KCTD16: variants seen among roughly 807,000 people sequenced by gnomAD.
The protein encoded by KCTD16 is BTB/POZ domain-containing protein KCTD16.
A neutral mutation model predicts 33.2 loss-of-function variants in KCTD16; 13 were observed. That is an observed-to-expected ratio of 0.39 (90% CI 0.25 to 0.62). KCTD16 has a LOEUF of 0.62. Ranked by LOEUF, KCTD16 falls within the 20% of genes least tolerant of loss-of-function variation. KCTD16 has a pLI of 0.50. For missense variants in KCTD16, 441 were observed against 525.1 expected (o/e 0.84, Z 1.57); for synonymous variants, 197 against 195.3 (o/e 1.01, Z -0.07).
rs1561558697 is a variant in KCTD16, at chr5:144,299,130, ATATATATATATATATATATTTTTTT to A, written c.832+91586_832+91610del. On this transcript the variant is annotated intron_variant, in intron 3 of 3. Coordinates refer to ENST00000512467, the MANE Select transcript of KCTD16 (RefSeq NM_020768.4). ...TATATATATATATATATATATATATATATATATATATATATATATTTTTTTTTTTTTTTTTAACCTGTCACTGAGC... is the reference window on the plus strand; with the variant it reads ...TATATATATATATATATATATATATATTTTTTTTTTAACCTGTCACTGAGC... Among the ~76,000 whole-genome samples the A allele has an allele frequency of 8.8e-4, 24 of 27,128 alleles. 1 individual carries two copies. The African/African-American group carries it at 9.5e-3, about 11-fold the overall frequency. 17.8% of individuals were successfully genotyped at this position (27,128 alleles called of 152,430 possible).
At chr5:144,192,869 G>A (rs983160799) in intron 2 of KCTD16, among the ~76,000 whole-genome samples, 1 of 152,150 alleles carries the variant, frequency 6.6e-6, no homozygotes, top group East Asian at 1.9e-4. Context: ...ATACACCAAG[G>A]ACTTTGGAGT....
chr5:144,371,819 G>A (rs1019323920), intron 3 of KCTD16, among the ~76,000 whole-genome samples: 2 of 151,922 alleles, frequency 1.3e-5, no homozygotes, highest in African/African-American at 4.8e-5. Context: ...TTATGGGATA[G>A]CTGCTGGGTA....
chr5:144,460,555 C>T (rs550615802), intron 3 of KCTD16, among the ~76,000 whole-genome samples: 136 of 152,310 alleles, frequency 8.9e-4, no homozygotes, highest in African/African-American at 3.2e-3. Flanking sequence ...GATTCTTGTG[C>T]CTCAGCCTTC....
At chr5:144,199,490 G>A (rs1031483882) in intron 2 of KCTD16, among the ~76,000 whole-genome samples, 1 of 152,140 alleles carries the variant, frequency 6.6e-6, no homozygotes, top group Non-Finnish European at 1.5e-5. Context: ...AGTGCATGTG[G>A]ATTTAGTAAA....
At position 144,223,694 on chromosome 5, in the gene KCTD16, C is replaced by G. The variant is rs186443771; in HGVS notation, c.832+16148C>G. Among the ~76,000 whole-genome samples, 51 of 151,852 alleles carry G rather than the reference C, an allele frequency of 3.4e-4. No individual in the cohort carries two copies. In the East Asian group the frequency reaches 3.7e-3, roughly 11 times the overall value. ...CTGCGTACTTTATAATATCAACTTA[C>G]TTTATAAAATTAGAGCATCCCGAGG... On this transcript the variant is annotated intron_variant, in intron 3 of 3. Coordinates refer to ENST00000512467, the MANE Select transcript of KCTD16 (RefSeq NM_020768.4).
intron 3 of KCTD16, among the ~76,000 whole-genome samples, chr5:144,460,600 C>A (rs975507899): frequency 1.3e-5 from 2 of 152,186 alleles, no homozygotes; most frequent in African/African-American, 4.8e-5. Context: ...GGCCACCACA[C>A]CCAGCTAATT....
intron 3 of KCTD16, among the ~76,000 whole-genome samples, chr5:144,387,618 A>C (rs962063571): frequency 6.6e-6 from 1 of 152,184 alleles, no homozygotes; most frequent in Non-Finnish European, 1.5e-5. Context: ...GGAGTTGTGC[A>C]TAAGCCCCAG....
At chr5:144,293,966 C>T (rs986502991) in intron 3 of KCTD16, among the ~76,000 whole-genome samples, 10 of 152,088 alleles carry the variant, frequency 6.6e-5, no homozygotes, top group Admixed American at 2.0e-4. Context: ...GAGACCATTC[C>T]GGGACAGCAT....
At chr5:144,269,489 A>G (rs1222508492) in intron 3 of KCTD16, among the ~76,000 whole-genome samples, 4 of 152,122 alleles carry the variant, frequency 2.6e-5, no homozygotes, top group South Asian at 4.1e-4. Flanking sequence ...TATATCTGGC[A>G]AAACTGTCCT....
At position 144,482,324 on chromosome 5, in the gene KCTD16, T is replaced by G. The variant is rs989159696; in HGVS notation, c.*8210T>G. The stretch of plus-strand genomic sequence containing the variant: ...AAAATTTTCAAGGGGGCAATAATGT[T>G]GTAGAACAAGTATCTGGTGAGTACT... On this transcript the variant is annotated 3_prime_UTR_variant, in exon 4 of 4. Coordinates refer to ENST00000512467, the MANE Select transcript of KCTD16 (RefSeq NM_020768.4). The G allele has an allele frequency of 6.6e-6, 1 of 151,944 alleles. No individual in the cohort carries two copies. Among genetic ancestry groups the G allele is most frequent in the African/African-American group, 2.4e-5 (1 of 41,408 alleles). 9.4% of individuals were successfully genotyped at this position (151,944 alleles called of 1,614,324 possible).
chr5:144,281,168 C>A (rs1482839091), intron 3 of KCTD16, among the ~76,000 whole-genome samples: 2 of 152,192 alleles, frequency 1.3e-5, no homozygotes, highest in Non-Finnish European at 2.9e-5. Context: ...GGCGACAGAC[C>A]GAGACTCCGT....
intron 3 of KCTD16, among the ~76,000 whole-genome samples, chr5:144,267,918 G>A (rs920759944): frequency 3.6e-4 from 55 of 152,270 alleles, no homozygotes; most frequent in African/African-American, 1.3e-3. Flanking sequence ...AAAACTACAT[G>A]AGTGGAGAGG....
At chr5:144,231,837 C>A (rs879718916) in intron 3 of KCTD16, among the ~76,000 whole-genome samples, 9 of 152,294 alleles carry the variant, frequency 5.9e-5, no homozygotes, top group Non-Finnish European at 1.0e-4. Flanking sequence ...CCATGCTGAA[C>A]TGTGAGTCAA....
At chr5:144,446,140 A>G (rs1172739913) in intron 3 of KCTD16, among the ~76,000 whole-genome samples, 2 of 151,826 alleles carry the variant, frequency 1.3e-5, no homozygotes, top group African/African-American at 4.8e-5. Context: ...TAATTGTGTC[A>G]TATATGTCCA....
chr5:144,269,576 G>A (rs368533215), intron 3 of KCTD16, among the ~76,000 whole-genome samples: 5 of 151,874 alleles, frequency 3.3e-5, no homozygotes, highest in Admixed American at 6.6e-5. Flanking sequence ...TACTAGACCC[G>A]CCCTGCAAGA....
chr5:144,467,646 C>T (rs542540391), intron 3 of KCTD16, among the ~76,000 whole-genome samples: 1 of 152,294 alleles, frequency 6.6e-6, no homozygotes, highest in African/African-American at 2.4e-5. Context: ...GAAGATCACA[C>T]ACAAAACATT....
chr5:144,339,595 G>T (rs1282994809), intron 3 of KCTD16, among the ~76,000 whole-genome samples: 1 of 152,122 alleles, frequency 6.6e-6, no homozygotes, highest in Non-Finnish European at 1.5e-5. Flanking sequence ...TACTAGAAAT[G>T]TACTCAATAA....
intron 2 of KCTD16, among the ~76,000 whole-genome samples, chr5:144,190,063 C>T (rs760510541): frequency 4.6e-5 from 7 of 152,172 alleles, no homozygotes; most frequent in Non-Finnish European, 8.8e-5. Flanking sequence ...ATGAATATGT[C>T]TGCATTTTGA....
intron 3 of KCTD16, among the ~76,000 whole-genome samples, chr5:144,445,354 C>T (rs73299627): frequency 1.3e-5 from 2 of 151,956 alleles, no homozygotes; most frequent in East Asian, 1.9e-4. Flanking sequence ...ATTCTGGATG[C>T]GTTTGAGAAT....
Sources: allele counts gnomAD v4.1 joint callset (sites outside exome capture counted in the v4.1 genomes callset), GRCh38; gene constraint gnomAD v4.1.1; transcripts MANE v1.5; gene names NCBI Gene and HGNC (gene_info 2026-07-23, HGNC 2026-07-21).